The following BECN1 variants were observed in gnomAD, a reference collection of about 807,000 sequenced individuals.
BECN1 encodes beclin-1.
Under a neutral mutation model 60.1 loss-of-function variants are expected in BECN1, and 15 were observed. The observed-to-expected ratio is 0.25, with a 90% CI of 0.17 to 0.38. BECN1 has a LOEUF of 0.38. BECN1 is among the 10% of genes least tolerant of loss of function. BECN1 has a pLI of 1.00. For synonymous variants in BECN1, 179 were observed against 201.8 expected (o/e 0.89, Z 0.96); for missense variants, 424 against 548.2 (o/e 0.77, Z 2.26).
At position 42,818,574 on chromosome 17, in the gene BECN1, T is replaced by C. The variant is rs1597936497; in HGVS notation, c.458A>G (p.Asn153Ser). 3.1e-6 allele frequency: 5 copies of C among 1,614,178 alleles called. No individual in the cohort carries two copies. Among genetic ancestry groups the C allele is most frequent in the Non-Finnish European group, 4.2e-6 (5 of 1,180,034 alleles). The change falls in exon 6 of 12, where the codon AAC becomes AGC. Residue 153 changes from asparagine to serine, a missense_variant. By Grantham distance (46) the Asn-to-Ser change is conservative. Transcript: ENST00000590099. ...TLLDQLDTQL[N>S]VTENECQNYK... ...GTTCTGACACTCATTTTCAGTGACGTTGAGCTGAGTGTCCAGCTGGTCTAA... is the reference window on the plus strand; with the variant it reads ...GTTCTGACACTCATTTTCAGTGACGCTGAGCTGAGTGTCCAGCTGGTCTAA...
At chr17:42,815,399 T>C (rs1347062897) in intron 8 of BECN1, among the ~76,000 whole-genome samples, 1 of 152,146 alleles carries the variant, frequency 6.6e-6, no homozygotes, top group Non-Finnish European at 1.5e-5. Flanking sequence ...ATGGGGAAAC[T>C]CTCCATATGG....
intron 2 of BECN1, 101 bp downstream of exon 2, chr17:42,823,647 A>T: frequency 6.9e-7 from 1 of 1,457,860 alleles, no homozygotes; most frequent in Middle Eastern, 1.8e-4. Flanking sequence ...GGTTCACACG[A>T]TGAGTTTGTG....
Position 42,813,965 on chromosome 17 carries a change from G to T in BECN1, c.1024C>A (p.Leu342Met). ...PYGNHSYLES[L>M]TDKSKELPLY... ...CAGAGTACCTTAGATTTGTCTGTCAGAGACTCCAGATATGAATGGTTTCCG... is the reference window on the plus strand; with the variant it reads ...CAGAGTACCTTAGATTTGTCTGTCATAGACTCCAGATATGAATGGTTTCCG... The change falls in exon 10 of 12, where the codon CTG becomes ATG. Residue 342 changes from leucine to methionine, a missense_variant. Coordinates refer to ENST00000590099, the MANE Select transcript of BECN1 (RefSeq NM_001313998.2). 1 of 1,603,784 alleles carries T rather than the reference G, an allele frequency of 6.2e-7. No individual in the cohort carries two copies. Among genetic ancestry groups the T allele is most frequent in the Non-Finnish European group, 8.5e-7 (1 of 1,172,880 alleles).
intron 2 of BECN1, among the ~76,000 whole-genome samples, chr17:42,822,845 C>A (rs911128641): frequency 1.3e-5 from 2 of 150,586 alleles, no homozygotes; most frequent in East Asian, 1.9e-4. Context: ...CCACACCCAG[C>A]AATTTTTTTT....
chr17:42,818,693 G>C lies in BECN1; in HGVS notation c.352-13C>G, dbSNP rs563895677. ...GGTCCCCAGTGACCTGGAAGTGTGGGAGAGTCAGGGTAGGGCCTCCCCCAT... is the reference window on the plus strand; with the variant it reads ...GGTCCCCAGTGACCTGGAAGTGTGGCAGAGTCAGGGTAGGGCCTCCCCCAT... On this transcript the variant is annotated splice_polypyrimidine_tract_variant and intron_variant, in intron 5 of 11. Transcript: ENST00000590099. The C allele has an allele frequency of 3.7e-6, 6 of 1,614,130 alleles. No individual in the cohort carries two copies. The highest frequency in any genetic ancestry group is 1.6e-4 in the Middle Eastern group (1 of 6,062).
Position 42,818,660 on chromosome 17 carries a change from G to A in BECN1, c.372C>T (p.Asp124=), listed in dbSNP as rs751831523. 10 of 1,614,060 alleles carry A rather than the reference G, an allele frequency of 6.2e-6. No homozygotes were observed. In the East Asian group the frequency reaches 2.2e-4, roughly 36 times the overall value. Residue 124 remains aspartate, a synonymous_variant, in exon 6 of 12, where the codon GAC becomes GAT. Transcript: ENST00000590099. The part of the protein sequence containing the change: ...RRLKVTGDLF[D]IMSGQTDVDH... ...CCACATCTGTCTGGCCCGACATGAT[G>A]TCAAAAAGGTCCCCAGTGACCTGGA...
chr17:42,822,439 A>C (rs2055286532), intron 2 of BECN1, among the ~76,000 whole-genome samples: 1 of 152,228 alleles, frequency 6.6e-6, no homozygotes, highest in Non-Finnish European at 1.5e-5. Context: ...CTAGTAAATG[A>C]CAGCCAGGAT....
chr17:42,818,483 G>A, intron 6 of BECN1, 61 bp downstream of exon 6: 1 of 1,612,538 alleles, frequency 6.2e-7, no homozygotes, highest in Non-Finnish European at 8.5e-7. Context: ...CGGCTCTTGG[G>A]TAAGGGCCAA....
At chr17:42,824,063 G>A (rs949156882) in intron 1 of BECN1, 92 bp downstream of exon 1, 3 of 708,396 alleles carry the variant, frequency 4.2e-6, no homozygotes, top group Non-Finnish European at 6.7e-6. Flanking sequence ...AGGCAGTTTA[G>A]AGCCCAGGGT....
chr17:42,823,038 C>CACTTT (rs1730645523), intron 2 of BECN1, among the ~76,000 whole-genome samples: 1 of 152,082 alleles, frequency 6.6e-6, no homozygotes, highest in Non-Finnish European at 1.5e-5. Flanking sequence ...TTAGGTAAGT[C>CACTTT]ACTTAACCTC....
At position 42,819,471 on chromosome 17, in the gene BECN1, C is replaced by G. The variant is rs533886983; in HGVS notation, c.260+77G>C. 10 of 1,504,826 alleles carry G rather than the reference C, an allele frequency of 6.6e-6. No homozygotes were observed. The East Asian group carries it at 2.3e-4, about 35-fold the overall frequency. 93.2% of individuals were successfully genotyped at this position (1,504,826 alleles called of 1,614,324 possible). On this transcript the variant is annotated intron_variant, in intron 4 of 11. Coordinates refer to ENST00000590099, the MANE Select transcript of BECN1 (RefSeq NM_001313998.2). ...GATGATGCATCTCTATCACCTGGCT[C>G]CAGGTCTCGATTCCTGGATTTAATT... is the stretch of plus-strand genomic sequence containing the variant.
Position 42,814,013 on chromosome 17 carries a change from A to T in BECN1, c.981-5T>A. ...CCGTAAGGAACAAGTCGGTATCTAA[A>T]ATAGAGATACAAACAGAGATGGATA... On this transcript the variant is annotated splice_polypyrimidine_tract_variant and splice_region_variant and intron_variant, in intron 9 of 11. Coordinates refer to ENST00000590099, the MANE Select transcript of BECN1 (RefSeq NM_001313998.2). The T allele has an allele frequency of 1.3e-6, 2 of 1,592,058 alleles. No individual in the cohort carries two copies. The highest frequency in any genetic ancestry group is 1.7e-6 in the Non-Finnish European group (2 of 1,164,300).
intron 7 of BECN1, 70 bp from the exon 8 acceptor site, chr17:42,816,124 T>G: frequency 6.9e-7 from 1 of 1,442,888 alleles, no homozygotes; most frequent in Non-Finnish European, 9.3e-7. Flanking sequence ...CACCACACTA[T>G]GAACGATTCT....
intron 2 of BECN1, 139 bp from the exon 3 acceptor site, chr17:42,820,980 G>T (rs899958331): frequency 2.9e-5 from 20 of 701,618 alleles, no homozygotes; most frequent in Admixed American, 4.8e-5. Context: ...TACACCAAAA[G>T]AATCTGTGGT....
chr17:42,811,229 C>T (rs1597924089), intron 11 of BECN1: 4 of 317,860 alleles, frequency 1.3e-5, no homozygotes, highest in East Asian at 5.3e-5. Context: ...CTGAACTTGG[C>T]GGGGGAGAAA....
rs2055104791 is a variant in BECN1, at chr17:42,814,524, C to T, written c.980G>A (p.Arg327Lys). 1 of 1,614,022 alleles carries T rather than the reference C, an allele frequency of 6.2e-7. No individual in the cohort carries two copies. Among genetic ancestry groups the T allele is most frequent in the African/African-American group, 1.3e-5 (1 of 74,916 alleles). Residue 327 changes from arginine to lysine, a missense_variant and splice_region_variant, in exon 9 of 12, where the codon AGA (arginine) becomes AAA (lysine). Transcript: ENST00000590099. The part of the protein sequence containing the change: ...LANKMGLKFQ[R>K]YRLVPYGNHS... ...CCCAAGAAAGGGCTACACTTCCTACCTCTGAAATTTCAGACCCATCTTATT... is the reference window on the plus strand; with the variant it reads ...CCCAAGAAAGGGCTACACTTCCTACTTCTGAAATTTCAGACCCATCTTATT...
chr17:42,816,513 G>T (rs1365395090), intron 7 of BECN1, among the ~76,000 whole-genome samples: 2 of 152,110 alleles, frequency 1.3e-5, no homozygotes, highest in Non-Finnish European at 2.9e-5. Flanking sequence ...TTAGCCAGGC[G>T]TGGTGGTGCA....
In BECN1 at chr17:42,818,396, C is replaced by A. The variant is rs777260991; in HGVS notation, c.508G>T (p.Glu170Ter). ...QNYKRCLEILEQMNEDDSEQL... is the reference protein window; with the variant it reads ...QNYKRCLEIL Reference sequence around the variant, plus strand: ...TCACTGTCATCCTCATTCATTTGCTCTAAGATCTCCAAACAGCGTCTGCCA... The same window carrying A: ...TCACTGTCATCCTCATTCATTTGCTATAAGATCTCCAAACAGCGTCTGCCA... Residue 170 changes from glutamate to a stop codon, truncating the protein, a stop_gained, in exon 7 of 12, where the codon GAG (glutamate) becomes TAG (stop). Coordinates refer to ENST00000590099, the MANE Select transcript of BECN1 (RefSeq NM_001313998.2). LOFTEE classifies it high-confidence loss of function. 1 of 1,614,064 alleles carries A rather than the reference C, an allele frequency of 6.2e-7. No individual in the cohort carries two copies. Among genetic ancestry groups the A allele is most frequent in the African/African-American group, 1.3e-5 (1 of 74,930 alleles).
intron 1 of BECN1, 73 bp from the exon 2 acceptor site, chr17:42,823,952 C>A: frequency 6.5e-7 from 1 of 1,548,260 alleles, no homozygotes; most frequent in South Asian, 1.2e-5. Flanking sequence ...TTACCACATG[C>A]CTTGGTGACG....
Sources: allele counts gnomAD v4.1 joint callset (sites outside exome capture counted in the v4.1 genomes callset), GRCh38; gene constraint gnomAD v4.1.1; transcripts MANE v1.5; gene names NCBI Gene and HGNC (gene_info 2026-07-23, HGNC 2026-07-21).